ST3GAL4: variants seen among roughly 807,000 people sequenced by gnomAD.
The protein encoded by ST3GAL4 is CMP-N-acetylneuraminate-beta-galactosamide-alpha-2,3-sialyltransferase 4.
ST3GAL4 carries 24 observed loss-of-function variants against 42.6 expected under a neutral mutation model. That is an observed-to-expected ratio of 0.56 (90% confidence interval 0.41 to 0.79). The LOEUF is 0.79. Among genes scored for constraint, ST3GAL4 ranks in the 30% least tolerant of loss-of-function variants. The pLI, the probability that ST3GAL4 is intolerant of heterozygous loss-of-function variation, is 0.00. For synonymous variants in ST3GAL4, 135 were observed against 163.2 expected, an observed-to-expected ratio of 0.83 and a Z score of 1.32; for missense variants, 311 against 430.8, an observed-to-expected ratio of 0.72 and a Z score of 2.46.
In ST3GAL4 at chr11:126,392,491, A is replaced by T. The variant is rs1351865721; in HGVS notation, c.-60-13605A>T. ...AAGTGCGCTGGCTCTGCCAGCTCCCAGTGTGAGCTTCTAGCAAGCCCCTTG... is the reference window on the plus strand; with the variant it reads ...AAGTGCGCTGGCTCTGCCAGCTCCCTGTGTGAGCTTCTAGCAAGCCCCTTG... On this transcript the variant is annotated intron_variant, in intron 1 of 10. Coordinates refer to ENST00000444328, the MANE Select transcript of ST3GAL4 (RefSeq NM_001254757.2). The surrounding 1 kb of genome is among the most constrained non-coding windows in gnomAD (Gnocchi z 5.8). 1 of 461,010 alleles carries T rather than the reference A, an allele frequency of 2.2e-6. No individual in the cohort carries two copies. The highest frequency in any genetic ancestry group is 1.5e-4 in the East Asian group (1 of 6,490). The allele number at this position is 461,010 out of a possible 1,614,324, so 28.6% of individuals were successfully genotyped here.
intron 1 of ST3GAL4, among the ~76,000 whole-genome samples, chr11:126,371,135 A>ATGATCTAT (rs572130668): frequency 0.031 from 4,035 of 131,546 alleles, 233 homozygotes; most frequent in African/African-American, 0.11. Context: ...ATGTGCTACT[A>ATGATCTAT]TGATCTATTC....
chr11:126,406,225 C>A lies in ST3GAL4; in HGVS notation c.16+54C>A, dbSNP rs1954223477. ...CTGGAGGACAGGCCTCAGAAGCCGTCTTCAGCAGGATCCTGGGACCTCTGG... is the reference window on the plus strand; with the variant it reads ...CTGGAGGACAGGCCTCAGAAGCCGTATTCAGCAGGATCCTGGGACCTCTGG... On this transcript the variant is annotated intron_variant, in intron 2 of 10. Coordinates refer to ENST00000444328, the MANE Select transcript of ST3GAL4 (RefSeq NM_001254757.2). The surrounding 1 kb of genome is among the most constrained non-coding windows in gnomAD (Gnocchi z 5.4). The A allele has an allele frequency of 6.4e-7, 1 of 1,552,878 alleles. No individual in the cohort carries two copies. The highest frequency in any genetic ancestry group is 1.9e-5 in the Admixed American group (1 of 51,342).
In ST3GAL4 at chr11:126,393,855, G is replaced by A. The variant is rs556880789; in HGVS notation, c.-60-12241G>A. On this transcript the variant is annotated intron_variant, in intron 1 of 10. Coordinates refer to ENST00000444328, the MANE Select transcript of ST3GAL4 (RefSeq NM_001254757.2). This position sits in a 1 kb window ranked among gnomAD's most constrained non-coding sequence, Gnocchi z 5.9. ...TAAAAAGTAAAAATAGGTGAAATTC[G>A]TTTTAATATTTTAACCCAATATAGC... Among the ~76,000 whole-genome samples, 65 of 152,296 alleles carry A rather than the reference G, an allele frequency of 4.3e-4. No homozygotes were observed. The highest frequency in any genetic ancestry group is 1.4e-3 in the African/African-American group (59 of 41,564).
In ST3GAL4 at chr11:126,406,498, T is replaced by G. The variant is rs770302853; in HGVS notation, c.42T>G (p.Ala14=). The change falls in exon 3 of 11, where the codon GCT becomes GCG. Residue 14 remains alanine, a synonymous_variant. Coordinates refer to ENST00000444328, the MANE Select transcript of ST3GAL4 (RefSeq NM_001254757.2). The surrounding 1 kb of genome is among the most constrained non-coding windows in gnomAD (Gnocchi z 5.4). ...GCTGGAAGCTCCTGGCCATGTTGGCTCTGGTCCTGGTCGTCATGGTGTGGT... is the reference window on the plus strand; with the variant it reads ...GCTGGAAGCTCCTGGCCATGTTGGCGCTGGTCCTGGTCGTCATGGTGTGGT... ...KSRWKLLAML[A]LVLVVMVWYS... 6.2e-7 allele frequency: 1 copy of G among 1,614,224 alleles called. No individual in the cohort carries two copies. Among genetic ancestry groups the G allele is most frequent in the Non-Finnish European group, 8.5e-7 (1 of 1,180,032 alleles).
chr11:126,372,770 T>C (rs763190668), intron 1 of ST3GAL4, among the ~76,000 whole-genome samples: 3 of 152,186 alleles, frequency 2.0e-5, no homozygotes, highest in Non-Finnish European at 4.4e-5. Flanking sequence ...TGAATTTCCT[T>C]TCTTTTTCAG....
chr11:126,404,658 C>T (rs1954149692), intron 1 of ST3GAL4, among the ~76,000 whole-genome samples: 1 of 152,206 alleles, frequency 6.6e-6, no homozygotes, highest in Non-Finnish European at 1.5e-5. Context: ...TAACTGGGGA[C>T]TCCTGCTGAT....
At position 126,398,806 on chromosome 11, in the gene ST3GAL4, A is replaced by T. The variant is rs1397056294; in HGVS notation, c.-60-7290A>T. On this transcript the variant is annotated intron_variant, in intron 1 of 10. Transcript: ENST00000444328. This position sits in a 1 kb window ranked among gnomAD's most constrained non-coding sequence, Gnocchi z 4.7. ...GATGCCACCAAGACTCACCACTTGC[A>T]CCTTCTAGAATGGTAGGTCAAGCTG... Among the ~76,000 whole-genome samples, 1 of 152,080 alleles carries T rather than the reference A, an allele frequency of 6.6e-6. No individual in the cohort carries two copies. The highest frequency in any genetic ancestry group is 1.9e-4 in the East Asian group (1 of 5,180).
At chr11:126,370,068 T>A (rs1952586024) in intron 1 of ST3GAL4, among the ~76,000 whole-genome samples, 1 of 152,258 alleles carries the variant, frequency 6.6e-6, no homozygotes, top group Non-Finnish European at 1.5e-5. Context: ...ATTTCATGTT[T>A]CCATCTTATG....
At chr11:126,371,163 C>CATTTTTTTT (rs1952626552) in intron 1 of ST3GAL4, among the ~76,000 whole-genome samples, 1 of 59,974 alleles carries the variant, frequency 1.7e-5, no homozygotes, top group Non-Finnish European at 3.0e-5. Flanking sequence ...CCCCACATTC[C>CATTTTTTTT]TTTTTTTTTT....
intron 1 of ST3GAL4, among the ~76,000 whole-genome samples, chr11:126,360,337 G>A (rs1243760372): frequency 6.6e-6 from 1 of 152,204 alleles, no homozygotes; most frequent in African/African-American, 2.4e-5. Context: ...TCATGACTGT[G>A]GGTATGCGCC....
rs556225604 is a variant in ST3GAL4 at position 126,410,152 on chromosome 11, G to A, written c.771+741G>A. Among the ~76,000 whole-genome samples, 1 of 152,226 alleles carries A rather than the reference G, an allele frequency of 6.6e-6. No homozygotes were observed. Among genetic ancestry groups the A allele is most frequent in the South Asian group, 2.1e-4 (1 of 4,802 alleles). On this transcript the variant is annotated intron_variant, in intron 9 of 10. Coordinates refer to ENST00000444328, the MANE Select transcript of ST3GAL4 (RefSeq NM_001254757.2). The surrounding 1 kb of genome is among the most constrained non-coding windows in gnomAD (Gnocchi z 5.3). ...GAACTCCTGGCCTCAAGTGATCCTC[G>A]TGTCTCAGCCTCCCAAAATGCCGGG...
intron 1 of ST3GAL4, among the ~76,000 whole-genome samples, chr11:126,402,452 A>G (rs1372220985): frequency 6.5e-5 from 6 of 92,216 alleles, no homozygotes; most frequent in African/African-American, 2.4e-4. Context: ...AGACTGTCTG[A>G]AAAAAAAAAA....
At chr11:126,385,906 C>T (rs1241475087) in intron 1 of ST3GAL4, among the ~76,000 whole-genome samples, 2 of 152,084 alleles carry the variant, frequency 1.3e-5, no homozygotes, top group Non-Finnish European at 2.9e-5. Context: ...CAGTGACATT[C>T]ATGACACCCA....
At chr11:126,382,693 A>T (rs1015820041) in intron 1 of ST3GAL4, among the ~76,000 whole-genome samples, 2 of 152,056 alleles carry the variant, frequency 1.3e-5, no homozygotes, top group African/African-American at 4.8e-5. Flanking sequence ...GGGGTATTCC[A>T]TGGGACCCTG....
intron 1 of ST3GAL4, among the ~76,000 whole-genome samples, chr11:126,377,880 C>A (rs533808129): frequency 5.9e-5 from 9 of 152,330 alleles, no homozygotes; most frequent in Admixed American, 2.6e-4. Context: ...TTCATTCATC[C>A]CAGATTGTAC....
intron 1 of ST3GAL4, among the ~76,000 whole-genome samples, chr11:126,377,906 G>A (rs570808600): frequency 3.9e-5 from 6 of 152,304 alleles, no homozygotes; most frequent in African/African-American, 9.6e-5. Flanking sequence ...AAGATAATTC[G>A]AAGTGTCAAT....
intron 1 of ST3GAL4, among the ~76,000 whole-genome samples, chr11:126,367,292 G>C (rs914023913): frequency 2.0e-5 from 3 of 152,228 alleles, no homozygotes; most frequent in Non-Finnish European, 4.4e-5. Flanking sequence ...GTCTCCTGAG[G>C]CTGGGCCATG....
rs1953244882 is a variant in ST3GAL4 at position 126,386,870 on chromosome 11, T to C, written c.-60-19226T>C. On this transcript the variant is annotated intron_variant, in intron 1 of 10. Transcript: ENST00000444328. This position sits in a 1 kb window ranked among gnomAD's most constrained non-coding sequence, Gnocchi z 4.7. The stretch of plus-strand genomic sequence containing the variant: ...GTTGCTGCTAATCTCTACAGCACTT[T>C]CCTGTAAATTAGGAACGGTAACACA... Among the ~76,000 whole-genome samples the C allele has an allele frequency of 6.6e-6, 1 of 152,128 alleles. No individual in the cohort carries two copies. Among genetic ancestry groups the C allele is most frequent in the Admixed American group, 6.5e-5 (1 of 15,274 alleles).
rs1002796339 is a variant in ST3GAL4, at chr11:126,363,447, T to G, written c.-61+7605T>G. ...TGGGTTGCCTGGAGGCCGGGAATGT[T>G]CAGGAGAGCCTTCATTGGGAGCCCA... On this transcript the variant is annotated intron_variant, in intron 1 of 10. Transcript: ENST00000444328. This position sits in a 1 kb window ranked among gnomAD's most constrained non-coding sequence, Gnocchi z 4.6. Among the ~76,000 whole-genome samples, 4 of 152,196 alleles carry G rather than the reference T, an allele frequency of 2.6e-5. No homozygotes were observed. The highest frequency in any genetic ancestry group is 9.7e-5 in the African/African-American group (4 of 41,444).
Sources: gnomAD v4.1 joint callset for allele counts (sites outside exome capture counted in the v4.1 genomes callset) on GRCh38, gnomAD v4.1.1 for gene constraint, Gnocchi (gnomAD v3.1) non-coding constraint, MANE v1.5 for transcripts, NCBI Gene and HGNC (gene_info 2026-07-23, HGNC 2026-07-21) for gene names.